MAPKAPK3: variants seen among roughly 807,000 people sequenced by gnomAD.
MAPKAPK3 encodes MAP kinase-activated protein kinase 3.
Under a neutral mutation model 49.2 loss-of-function variants are expected in MAPKAPK3, and 35 were observed. That is an observed-to-expected ratio of 0.71 (90% CI 0.54 to 0.94). The LOEUF is 0.94. MAPKAPK3 is among the 40% of genes least tolerant of loss of function. The pLI is 0.00. For missense variants in MAPKAPK3, 398 were observed against 493.1 expected (o/e 0.81, Z 1.83); for synonymous variants, 178 against 188.7 (o/e 0.94, Z 0.46).
rs764111447 is a variant in MAPKAPK3, at chr3:50,646,140, C to T, written c.705C>T (p.Leu235=). 6.2e-7 allele frequency: 1 copy of T among 1,613,330 alleles called. No homozygotes were observed. The highest frequency in any genetic ancestry group is 8.5e-7 in the Non-Finnish European group (1 of 1,179,462). Residue 235 remains leucine (L), a splice_region_variant and synonymous_variant, in exon 8 of 11, where the codon CTC becomes CTT. Transcript: ENST00000621469. ...MWSLGVIMYI[L]LCGFPPFYSN... ...CCAAATGACTTACCCCTTCCCCCAGCCTTTGTGGCTTCCCACCCTTCTACT... is the reference window on the plus strand; with the variant it reads ...CCAAATGACTTACCCCTTCCCCCAGTCTTTGTGGCTTCCCACCCTTCTACT...
chr3:50,611,733 G>T (rs774219715), upstream of MAPKAPK3: 15 of 1,404,038 alleles, frequency 1.1e-5, no homozygotes, highest in Non-Finnish European at 1.3e-5. Context: ...CGGAGCGCGT[G>T]CTGGGTAGGC....
chr3:50,641,920 A>G (rs2033185118), intron 4 of MAPKAPK3, 149 bp downstream of exon 4: 1 of 775,316 alleles, frequency 1.3e-6, no homozygotes, highest in African/African-American at 1.7e-5. Context: ...CCCACAAGGG[A>G]CTCTCTGAGT....
intron 2 of MAPKAPK3, among the ~76,000 whole-genome samples, chr3:50,635,483 T>C (rs1439779568): frequency 7.1e-6 from 1 of 140,176 alleles, no homozygotes; most frequent in Non-Finnish European, 1.5e-5. Context: ...AGTGGCACGA[T>C]CTCAGCTCAC....
chr3:50,643,132 G>T lies in MAPKAPK3; in HGVS notation c.504+800G>T, dbSNP rs188101332. ...CTCGAAAAGTGCTGGGATTACAGGC[G>T]TGAGCCATTCCACCTGGCCCTGTTG... On this transcript the variant is annotated intron_variant, in intron 5 of 10. Transcript: ENST00000621469. Among the ~76,000 whole-genome samples the T allele has an allele frequency of 1.4e-3, 207 of 152,338 alleles. 2 individuals are homozygous for T. Among genetic ancestry groups the T allele is most frequent in the East Asian group, 7.7e-3 (40 of 5,176 alleles).
intron 3 of MAPKAPK3, 95 bp downstream of exon 3, chr3:50,640,600 TA>T (rs771577688): frequency 1.4e-6 from 2 of 1,448,464 alleles, no homozygotes; most frequent in Non-Finnish European, 1.9e-6. Flanking sequence ...GTTTTTCAGG[TA>T]GCAGATCTGG....
upstream of MAPKAPK3, among the ~76,000 whole-genome samples, chr3:50,616,819 C>T (rs1391557365): frequency 6.6e-6 from 1 of 152,066 alleles, no homozygotes; most frequent in African/African-American, 2.4e-5. Context: ...ACACCCGACT[C>T]AAGGAGAGCT....
intron 2 of MAPKAPK3, among the ~76,000 whole-genome samples, chr3:50,623,600 C>A (rs930736611): frequency 2.0e-5 from 3 of 152,228 alleles, no homozygotes; most frequent in African/African-American, 7.2e-5. Flanking sequence ...CCAGCGGGCC[C>A]TGTCCACAGT....
In MAPKAPK3 at chr3:50,646,173, G is replaced by T; in HGVS notation, c.738G>T (p.Thr246=). 6.2e-7 allele frequency: 1 copy of T among 1,613,976 alleles called. No individual in the cohort carries two copies. The highest frequency in any genetic ancestry group is 8.5e-7 in the Non-Finnish European group (1 of 1,179,990). The change falls in exon 8 of 11, where the codon ACG becomes ACT. Residue 246 remains threonine (T), a synonymous_variant. Coordinates refer to ENST00000621469, the MANE Select transcript of MAPKAPK3 (RefSeq NM_001243925.2). The part of the protein sequence containing the change: ...LCGFPPFYSN[T]GQAISPGMKR... Reference sequence around the variant, plus strand: ...GCTTCCCACCCTTCTACTCCAACACGGGCCAGGCCATCTCCCCGGGGATGA... The same window carrying T: ...GCTTCCCACCCTTCTACTCCAACACTGGCCAGGCCATCTCCCCGGGGATGA...
intron 5 of MAPKAPK3, among the ~76,000 whole-genome samples, chr3:50,643,450 C>T (rs1273383072): frequency 6.6e-6 from 1 of 152,172 alleles, no homozygotes; most frequent in African/African-American, 2.4e-5. Context: ...GTCTGCTCCT[C>T]CTGGGCCCTC....
chr3:50,627,714 T>C (rs1053204822), intron 2 of MAPKAPK3, among the ~76,000 whole-genome samples: 1 of 152,108 alleles, frequency 6.6e-6, no homozygotes, highest in Non-Finnish European at 1.5e-5. Context: ...CTCCCCCTCT[T>C]CCTCATAGCT....
At chr3:50,614,946 A>C (rs1173156226), upstream of MAPKAPK3, among the ~76,000 whole-genome samples, 1 of 152,246 alleles carries the variant, frequency 6.6e-6, no homozygotes, top group Non-Finnish European at 1.5e-5. Context: ...GCAACTTAAA[A>C]TTTTAATAAA....
intron 2 of MAPKAPK3, among the ~76,000 whole-genome samples, chr3:50,627,982 T>A (rs1451881568): frequency 6.6e-6 from 1 of 152,142 alleles, no homozygotes; most frequent in Non-Finnish European, 1.5e-5. Flanking sequence ...GGAGAGATGC[T>A]GAGCAGATAT....
upstream of MAPKAPK3, among the ~76,000 whole-genome samples, chr3:50,616,068 A>G (rs1575991810): frequency 6.6e-6 from 1 of 152,156 alleles, no homozygotes; most frequent in Non-Finnish European, 1.5e-5. Context: ...CTCTGAGTGG[A>G]ACCGAGGTCC....
intron 2 of MAPKAPK3, among the ~76,000 whole-genome samples, chr3:50,627,398 C>T (rs2032785987): frequency 6.6e-6 from 1 of 152,062 alleles, no homozygotes; most frequent in South Asian, 2.1e-4. Context: ...GGATGCCTCT[C>T]CCACACCAGT....
In MAPKAPK3 at chr3:50,644,550, G is replaced by A. The variant is rs756025216; in HGVS notation, c.628+18G>A. On this transcript the variant is annotated intron_variant, in intron 6 of 10. Coordinates refer to ENST00000621469, the MANE Select transcript of MAPKAPK3 (RefSeq NM_001243925.2). ...TTATGTGGGTGAGTCCTTCGGACAT[G>A]AGTTGTAACTCCTCACCCCAACTTA... is the stretch of plus-strand genomic sequence containing the variant. 1 of 1,613,602 alleles carries A rather than the reference G, an allele frequency of 6.2e-7. No individual in the cohort carries two copies. Among genetic ancestry groups the A allele is most frequent in the Non-Finnish European group, 8.5e-7 (1 of 1,179,860 alleles).
upstream of MAPKAPK3, among the ~76,000 whole-genome samples, chr3:50,616,373 C>T (rs142843187): frequency 2.0e-5 from 3 of 152,254 alleles, no homozygotes; most frequent in East Asian, 5.8e-4. Flanking sequence ...GCTCAAAATA[C>T]GTAAGGTAGT....
upstream of MAPKAPK3, among the ~76,000 whole-genome samples, chr3:50,615,058 G>A (rs1372568699): frequency 6.6e-6 from 1 of 152,246 alleles, no homozygotes; most frequent in African/African-American, 2.4e-5. Context: ...TCAGTGGGAT[G>A]CCTTTGGCTG....
chr3:50,633,621 C>T (rs1416138848), intron 2 of MAPKAPK3, among the ~76,000 whole-genome samples: 1 of 152,192 alleles, frequency 6.6e-6, no homozygotes, highest in African/African-American at 2.4e-5. Flanking sequence ...GGTGCTCTCT[C>T]AAAAGTCCTG....
chr3:50,613,791 G>A (rs1323615565), upstream of MAPKAPK3: 4 of 152,162 alleles, frequency 2.6e-5, no homozygotes, highest in African/African-American at 9.7e-5. Flanking sequence ...CCTCTTTACA[G>A]GTGAGAAAAC....
Sources: gnomAD v4.1 joint callset for allele counts (sites outside exome capture counted in the v4.1 genomes callset) on GRCh38, gnomAD v4.1.1 for gene constraint, MANE v1.5 for transcripts, NCBI Gene and HGNC (gene_info 2026-07-23, HGNC 2026-07-21) for gene names.